RSPH3: variants seen among roughly 807,000 people sequenced by gnomAD.
RSPH3 encodes the protein radial spoke head protein 3 homolog.
Under a neutral mutation model 43.8 loss-of-function variants are expected in RSPH3, and 21 were observed. The observed-to-expected ratio is 0.48, with a 90% CI of 0.34 to 0.69. The LOEUF (loss-of-function observed/expected upper bound fraction) is 0.69, where lower values mean the gene tolerates loss of function less well. Among genes scored for constraint, RSPH3 ranks in the 30% least tolerant of loss-of-function variants. The probability of loss-of-function intolerance (pLI) is 0.01; values close to 1 mark genes in which losing one functional copy is unlikely to be tolerated. For synonymous variants in RSPH3, 173 were observed against 179.8 expected, an observed-to-expected ratio of 0.96 and a Z score of 0.30; for missense variants, 487 against 516.0, an observed-to-expected ratio of 0.94 and a Z score of 0.54.
At chr6:158,998,287 T>C (rs1410129972) in intron 1 of RSPH3, among the ~76,000 whole-genome samples, 1 of 23,232 alleles carries the variant, frequency 4.3e-5, no homozygotes, top group East Asian at 1.2e-3. Context: ...CCGTCTCTAC[T>C]AAAAAAATAC....
chr6:158,968,873 A>C (rs1278245316), downstream of RSPH3, among the ~76,000 whole-genome samples: 3 of 151,508 alleles, frequency 2.0e-5, no homozygotes, highest in Non-Finnish European at 4.4e-5. Context: ...CACCACACCC[A>C]GCTAATTTTT....
intron 2 of RSPH3, chr6:158,990,709 T>A (rs1433817470): frequency 2.6e-5 from 4 of 152,134 alleles, no homozygotes; most frequent in Admixed American, 6.5e-5. Flanking sequence ...TTTCTTTGGG[T>A]TTATCCTCTT....
chr6:158,996,952 A>G (rs1165326090), intron 1 of RSPH3, among the ~76,000 whole-genome samples: 1 of 152,202 alleles, frequency 6.6e-6, no homozygotes, highest in Non-Finnish European at 1.5e-5. Flanking sequence ...TTCTCGCAGT[A>G]GTGAGGGAAC....
chr6:159,000,044 G>T lies in RSPH3; in HGVS notation c.-494C>A. On this transcript the variant is annotated 5_prime_UTR_variant, in exon 1 of 8. Coordinates refer to ENST00000367069, the MANE Select transcript of RSPH3 (RefSeq NM_031924.8). ...TTTGGAATGTGGCTTTGCAGGGCTG[G>T]TGTTGGCGCCATTCTCGCAGGCCCA... is the stretch of plus-strand genomic sequence containing the variant. 2 of 1,457,536 alleles carry T rather than the reference G, an allele frequency of 1.4e-6. No individual in the cohort carries two copies. The highest frequency in any genetic ancestry group is 9.2e-7 in the Non-Finnish European group (1 of 1,089,550). 90.3% of individuals were successfully genotyped at this position (1,457,536 alleles called of 1,614,324 possible).
In RSPH3 at chr6:158,977,755, C is replaced by T. The variant is rs1304884183; in HGVS notation, c.1040G>A (p.Gly347Asp). 1 of 1,614,048 alleles carries T rather than the reference C, an allele frequency of 6.2e-7. No homozygotes were observed. The highest frequency in any genetic ancestry group is 1.3e-5 in the African/African-American group (1 of 74,926). The change falls in exon 8 of 8, where the codon GGT (glycine) becomes GAT (aspartate). Residue 347 changes from glycine (G) to aspartate (D), a missense_variant. Physicochemically the swap from Gly to Asp is moderately conservative, Grantham distance 94 (BLOSUM62 -1). Transcript: ENST00000367069. Reference sequence around the variant, plus strand: ...CAGTGACTCTGTCATTGCTCCAGGACCACCAGGCTCATCCTCGGGTTCTGG... The same window carrying T: ...CAGTGACTCTGTCATTGCTCCAGGATCACCAGGCTCATCCTCGGGTTCTGG... ...QSPEPEDEPG[G>D]PGAMTESLEA...
At chr6:158,968,813 G>A (rs1014574759), downstream of RSPH3, among the ~76,000 whole-genome samples, 9 of 151,886 alleles carry the variant, frequency 5.9e-5, no homozygotes, top group African/African-American at 1.7e-4. Flanking sequence ...TTGGATTCAA[G>A]CAATTCTCCT....
Position 158,986,412 on chromosome 6 carries a change from G to A in RSPH3, c.214C>T (p.Pro72Ser). 1 of 1,612,596 alleles carries A rather than the reference G, an allele frequency of 6.2e-7. No homozygotes were observed. The highest frequency in any genetic ancestry group is 1.3e-5 in the African/African-American group (1 of 74,890). ...TGTCTCTGGAGCTCTAGAGAATCAG[G>A]CCGTCCGAGCTAACAGTGATAGAAA... The part of the protein sequence containing the change: ...ALQTGPLLGR[P>S]DSLELQRQRE... Residue 72 changes from proline to serine, a missense_variant, in exon 3 of 8, where the codon CCT (proline) becomes TCT (serine). Coordinates refer to ENST00000367069, the MANE Select transcript of RSPH3 (RefSeq NM_031924.8).
rs1167388082 is a variant in RSPH3 at position 158,976,170 on chromosome 6, G to A, written c.*1368C>T. The stretch of plus-strand genomic sequence containing the variant: ...TGCACTCCAGCCTGGGTGTCAGAGT[G>A]AGACCTTGTCTCCAAAAAATAAAAA... On this transcript the variant is annotated 3_prime_UTR_variant, in exon 8 of 8. Transcript: ENST00000367069. 1 of 152,180 alleles carries A rather than the reference G, an allele frequency of 6.6e-6. No individual in the cohort carries two copies. Among genetic ancestry groups the A allele is most frequent in the Non-Finnish European group, 1.5e-5 (1 of 68,044 alleles). The allele number at this position is 152,180 out of a possible 1,614,324, so 9.4% of individuals were successfully genotyped here. A position where few individuals can be genotyped will look rare whatever the true frequency, so the allele number is the denominator to read the frequency against.
chr6:158,999,928 T>C lies in RSPH3; in HGVS notation c.-378A>G, dbSNP rs1432877346. 1.2e-6 allele frequency: 2 copies of C among 1,611,090 alleles called. No individual in the cohort carries two copies. Among genetic ancestry groups the C allele is most frequent in the African/African-American group, 2.7e-5 (2 of 74,908 alleles). Reference sequence around the variant, plus strand: ...CCACCCAGGTAGGTGCGCCTGCGCTTTGCGAGGTTCCTGGCTAGGGAGGCG... The same window carrying C: ...CCACCCAGGTAGGTGCGCCTGCGCTCTGCGAGGTTCCTGGCTAGGGAGGCG... On this transcript the variant is annotated 5_prime_UTR_variant, in exon 1 of 8. Transcript: ENST00000367069.
intron 1 of RSPH3, among the ~76,000 whole-genome samples, 197 bp from the exon 2 acceptor site, chr6:158,994,123 A>G (rs1778510958): frequency 1.3e-5 from 2 of 152,194 alleles, no homozygotes; most frequent in Admixed American, 6.5e-5. Flanking sequence ...CTTCATGTAC[A>G]TTATTTTATT....
At chr6:158,970,505 A>G (rs1231625317), downstream of RSPH3, among the ~76,000 whole-genome samples, 2 of 151,838 alleles carry the variant, frequency 1.3e-5, no homozygotes, top group African/African-American at 2.4e-5. Flanking sequence ...AGTCCTACAC[A>G]TGTACCCTAT....
chr6:158,981,058 A>C (rs1778018253), intron 5 of RSPH3, 122 bp from the exon 6 acceptor site: 4 of 847,906 alleles, frequency 4.7e-6, no homozygotes, highest in Non-Finnish European at 7.2e-6. Context: ...GTGTCTATCT[A>C]TTAAAGGTTC....
intron 1 of RSPH3, among the ~76,000 whole-genome samples, chr6:158,997,932 C>A (rs1010178529): frequency 2.0e-5 from 3 of 147,460 alleles, no homozygotes; most frequent in Admixed American, 1.4e-4. Context: ...TTAGAAAGAG[C>A]GTTTGAAATA....
intron 1 of RSPH3, among the ~76,000 whole-genome samples, chr6:158,999,203 G>C (rs572360757): frequency 6.7e-6 from 1 of 149,900 alleles, no homozygotes; most frequent in Non-Finnish European, 1.5e-5. Context: ...ACATGTTAAG[G>C]ACCACGGCAG....
chr6:158,968,648 T>C (rs1379175518), downstream of RSPH3, among the ~76,000 whole-genome samples: 1 of 152,178 alleles, frequency 6.6e-6, no homozygotes, highest in African/African-American at 2.4e-5. Flanking sequence ...ATTTCAAGAG[T>C]ATACAAAAAG....
intron 5 of RSPH3, 47 bp downstream of exon 5, chr6:158,982,438 T>A: frequency 8.0e-7 from 1 of 1,252,860 alleles, no homozygotes. Flanking sequence ...CATAATATGC[T>A]AACTAGCCAA....
Position 158,980,819 on chromosome 6 carries a change from C to G in RSPH3, c.814G>C (p.Gly272Arg), listed in dbSNP as rs1440456959. 2.5e-6 allele frequency: 4 copies of G among 1,613,932 alleles called. No individual in the cohort carries two copies. The Admixed American group carries it at 5.0e-5, about 20-fold the overall frequency. Reference protein sequence around the residue: ...YLADLLPSVFGSLRDSGYFYD... With the variant: ...YLADLLPSVFRSLRDSGYFYD... ...AAGTAGCCACTATCCCTGAGGCTGC[C>G]AAAAACAGACGGGAGAAGGTCAGCC... The change falls in exon 6 of 8, where the codon GGC (glycine) becomes CGC (arginine). Residue 272 changes from glycine to arginine, a missense_variant. Transcript: ENST00000367069.
intron 1 of RSPH3, among the ~76,000 whole-genome samples, chr6:158,994,885 A>C (rs536816139): frequency 6.6e-6 from 1 of 152,186 alleles, no homozygotes; most frequent in Non-Finnish European, 1.5e-5. Context: ...CCACTATTGA[A>C]CATTCTAACA....
chr6:158,966,639 T>C, the RSPH3 span, among the ~76,000 whole-genome samples: 1 of 152,268 alleles, frequency 6.6e-6, no homozygotes, highest in Non-Finnish European at 1.5e-5. Context: ...ATAATAATCT[T>C]TATTAACGTA....
Sources: gnomAD v4.1 joint callset for allele counts (sites outside exome capture counted in the v4.1 genomes callset) on GRCh38, gnomAD v4.1.1 for gene constraint, MANE v1.5 for transcripts, NCBI Gene and HGNC (gene_info 2026-07-23, HGNC 2026-07-21) for gene names.